The following SYNDIG1 variants were observed in gnomAD, a reference collection of about 807,000 sequenced individuals.
The protein encoded by SYNDIG1 is synapse differentiation inducing 1.
Under a neutral mutation model 19.4 loss-of-function variants are expected in SYNDIG1, and 9 were observed. That is an observed-to-expected ratio of 0.46 (90% CI 0.28 to 0.81). The LOEUF (loss-of-function observed/expected upper bound fraction) is 0.81, where lower values mean the gene tolerates loss of function less well. Ranked by LOEUF, SYNDIG1 falls within the 30% of genes least tolerant of loss-of-function variation. The probability of loss-of-function intolerance (pLI) is 0.12; values close to 1 mark genes in which losing one functional copy is unlikely to be tolerated. For missense variants in SYNDIG1, 311 were observed against 343.3 expected (o/e 0.91, Z 0.74); for synonymous variants, 141 against 145.9 (o/e 0.97, Z 0.24).
rs138313263 is a variant in SYNDIG1 at position 24,662,649 on chromosome 20, A to AC, written c.619-2692dup. ...TGTCTTTGGGTCCTGCTGAGCCCCT[A>AC]CCCCCAGCCCACCGCTGGCACAAGG... On this transcript the variant is annotated intron_variant, in intron 3 of 3. Coordinates refer to ENST00000376862, the MANE Select transcript of SYNDIG1 (RefSeq NM_024893.3). Among the ~76,000 whole-genome samples the AC allele has an allele frequency of 2.6e-5, 4 of 152,044 alleles. No homozygotes were observed. In the South Asian group the frequency reaches 8.3e-4, roughly 32 times the overall value.
intron 1 of SYNDIG1, among the ~76,000 whole-genome samples, chr20:24,490,096 G>A (rs2056104367): frequency 6.6e-6 from 1 of 152,220 alleles, no homozygotes; most frequent in Non-Finnish European, 1.5e-5. Flanking sequence ...TACCTTTGGG[G>A]CCCTGCACCC....
intron 1 of SYNDIG1, among the ~76,000 whole-genome samples, chr20:24,527,623 G>T (rs573827604): frequency 6.3e-4 from 94 of 149,768 alleles, no homozygotes; most frequent in African/African-American, 2.2e-3. Context: ...CTCATTATTT[G>T]ACCTTACTCT....
intron 1 of SYNDIG1, among the ~76,000 whole-genome samples, chr20:24,510,678 T>G (rs2056723594): frequency 6.6e-6 from 1 of 152,190 alleles, no homozygotes; most frequent in Non-Finnish European, 1.5e-5. Flanking sequence ...TAATTTACCT[T>G]GTATTATGTA....
At chr20:24,572,740 A>G (rs1257840012) in intron 2 of SYNDIG1, among the ~76,000 whole-genome samples, 1 of 152,228 alleles carries the variant, frequency 6.6e-6, no homozygotes, top group Non-Finnish European at 1.5e-5. Context: ...GGAAAAGGCC[A>G]GACTCAAAAG....
rs184450082 is a variant in SYNDIG1, at chr20:24,628,976, G to T, written c.619-36370G>T. On this transcript the variant is annotated intron_variant, in intron 3 of 3. Coordinates refer to ENST00000376862, the MANE Select transcript of SYNDIG1 (RefSeq NM_024893.3). The stretch of plus-strand genomic sequence containing the variant: ...AGACCCTGAAAGGCAGGAAGATGAT[G>T]ATTTTGAGGGCATAGTGATCCTCAT... 4.6e-5 allele frequency among the ~76,000 whole-genome samples: 7 copies of T among 152,348 alleles called. No individual in the cohort carries two copies. In the East Asian group the frequency reaches 1.4e-3, roughly 29 times the overall value.
chr20:24,634,273 G>T (rs1282792319), intron 3 of SYNDIG1, among the ~76,000 whole-genome samples: 1 of 152,172 alleles, frequency 6.6e-6, no homozygotes, highest in East Asian at 1.9e-4. Flanking sequence ...CACCAGCATT[G>T]ACATTTTTAA....
intron 2 of SYNDIG1, among the ~76,000 whole-genome samples, chr20:24,562,519 A>G (rs1028095615): frequency 2.0e-5 from 3 of 152,210 alleles, no homozygotes; most frequent in Non-Finnish European, 4.4e-5. Flanking sequence ...ATTATCTTAG[A>G]CATTCTCATC....
intron 2 of SYNDIG1, among the ~76,000 whole-genome samples, chr20:24,564,394 T>G (rs1016982689): frequency 1.3e-5 from 2 of 152,208 alleles, no homozygotes; most frequent in Non-Finnish European, 2.9e-5. Context: ...TAGCAAATGA[T>G]TTCACAGTAT....
At chr20:24,473,848 G>A (rs1023575854) in intron 1 of SYNDIG1, among the ~76,000 whole-genome samples, 1 of 152,162 alleles carries the variant, frequency 6.6e-6, no homozygotes, top group Non-Finnish European at 1.5e-5. Context: ...CAACATTAAC[G>A]CTTGGTTTTC....
At chr20:24,527,988 T>G (rs1159149916) in intron 1 of SYNDIG1, among the ~76,000 whole-genome samples, 1 of 152,194 alleles carries the variant, frequency 6.6e-6, no homozygotes, top group Non-Finnish European at 1.5e-5. Flanking sequence ...GCTATATAAC[T>G]TACTATTACT....
chr20:24,531,261 C>G (rs1382385947), intron 1 of SYNDIG1, among the ~76,000 whole-genome samples: 2 of 152,126 alleles, frequency 1.3e-5, no homozygotes, highest in African/African-American at 4.8e-5. Context: ...ATTAGCCACA[C>G]AGGGATGGAC....
chr20:24,520,147 T>C (rs934036367), intron 1 of SYNDIG1, among the ~76,000 whole-genome samples: 3 of 152,088 alleles, frequency 2.0e-5, no homozygotes, highest in Non-Finnish European at 4.4e-5. Flanking sequence ...CATGCTTTTA[T>C]GTATATAGGT....
chr20:24,493,346 AC>A (rs1300005105), intron 1 of SYNDIG1, among the ~76,000 whole-genome samples: 11 of 152,042 alleles, frequency 7.2e-5, no homozygotes, highest in Admixed American at 7.2e-4. Context: ...ACATCCATGC[AC>A]AGGCATGGAA....
chr20:24,661,514 G>GAGGGAGGGAA (rs2059599046), intron 3 of SYNDIG1, among the ~76,000 whole-genome samples: 1 of 144,686 alleles, frequency 6.9e-6, no homozygotes, highest in African/African-American at 2.6e-5. Context: ...GAGGGAGGAA[G>GAGGGAGGGAA]GAGGGAGGGA....
In SYNDIG1 at chr20:24,580,516, T is replaced by C. The variant is rs547675888; in HGVS notation, c.481-4340T>C. ...ACCTCCACTCCCTGGGTTCAAGCAA[T>C]CTTCTGCCTCAGCCTCCCAAGTAGC... On this transcript the variant is annotated intron_variant, in intron 2 of 3. Coordinates refer to ENST00000376862, the MANE Select transcript of SYNDIG1 (RefSeq NM_024893.3). 6.6e-5 allele frequency among the ~76,000 whole-genome samples: 10 copies of C among 152,230 alleles called. No individual in the cohort carries two copies. In the East Asian group the frequency reaches 1.9e-3, roughly 29 times the overall value.
At chr20:24,582,394 TTC>T in intron 2 of SYNDIG1, among the ~76,000 whole-genome samples, 1 of 62,372 alleles carries the variant, frequency 1.6e-5, no homozygotes. Flanking sequence ...ATGTCCTCCC[TTC>T]TGCATGTCCT....
intron 1 of SYNDIG1, among the ~76,000 whole-genome samples, chr20:24,489,603 GAC>G (rs1330453413): frequency 6.6e-6 from 1 of 152,040 alleles, no homozygotes; most frequent in African/African-American, 2.4e-5. Context: ...ACCACACACA[GAC>G]ACATACATGA....
At chr20:24,654,736 A>G (rs2059508501) in intron 3 of SYNDIG1, among the ~76,000 whole-genome samples, 1 of 152,098 alleles carries the variant, frequency 6.6e-6, no homozygotes, top group Non-Finnish European at 1.5e-5. Flanking sequence ...AGCCCTTCAA[A>G]TCAACATTTT....
chr20:24,531,154 T>A (rs1407209649), intron 1 of SYNDIG1, among the ~76,000 whole-genome samples: 1 of 152,068 alleles, frequency 6.6e-6, no homozygotes, highest in Non-Finnish European at 1.5e-5. Flanking sequence ...GGTAGCTGAC[T>A]TCATTCTGTT....
Sources: gnomAD v4.1 joint callset for allele counts (sites outside exome capture counted in the v4.1 genomes callset) on GRCh38, gnomAD v4.1.1 for gene constraint, MANE v1.5 for transcripts, NCBI Gene and HGNC (gene_info 2026-07-23, HGNC 2026-07-21) for gene names.